Variants in DGKG observed in about 807,000 individuals in gnomAD.
The protein encoded by DGKG is diacylglycerol kinase gamma.
Under a neutral mutation model 105.3 loss-of-function variants are expected in DGKG, and 78 were observed. The ratio of observed to expected loss-of-function variants is 0.74; its 90% confidence interval spans 0.62 to 0.89. The LOEUF (loss-of-function observed/expected upper bound fraction) is 0.89. Among genes scored for constraint, DGKG ranks in the 40% least tolerant of loss-of-function variants. The probability of loss-of-function intolerance (pLI) is 0.00; values close to 1 mark genes in which losing one functional copy is unlikely to be tolerated. For missense variants in DGKG, 958 were observed against 1,020.1 expected (o/e 0.94, Z 0.83); for synonymous variants, 346 against 367.1 (o/e 0.94, Z 0.66).
At chr3:186,162,085 G>A (rs749997380) in intron 23 of DGKG, among the ~76,000 whole-genome samples, 3 of 152,252 alleles carry the variant, frequency 2.0e-5, no homozygotes, top group African/African-American at 4.8e-5. Flanking sequence ...TAGTAGAGAC[G>A]GGGTTTCTCC....
At chr3:186,347,107 A>G (rs1183760628) in intron 1 of DGKG, among the ~76,000 whole-genome samples, 1 of 151,936 alleles carries the variant, frequency 6.6e-6, no homozygotes, top group African/African-American at 2.4e-5. Context: ...TTAAAACAGC[A>G]TATATTTAGA....
intron 1 of DGKG, among the ~76,000 whole-genome samples, chr3:186,322,454 C>G (rs577278322): frequency 1.1e-4 from 16 of 152,242 alleles, no homozygotes; most frequent in Admixed American, 1.3e-4. Flanking sequence ...AGGGAGAGAA[C>G]TGAAAAACTA....
intron 1 of DGKG, among the ~76,000 whole-genome samples, chr3:186,350,685 G>A (rs1407547888): frequency 1.3e-5 from 2 of 152,178 alleles, no homozygotes; most frequent in Admixed American, 1.3e-4. Flanking sequence ...CATAGTGGCT[G>A]TACCACTTCA....
In DGKG at chr3:186,320,291, A is replaced by G. The variant is rs1247101955; in HGVS notation, c.67+102T>C. The G allele has an allele frequency of 4.9e-6, 7 of 1,415,656 alleles. No individual in the cohort carries two copies. The Admixed American group carries it at 9.5e-5, about 19-fold the overall frequency. 87.7% of individuals were successfully genotyped at this position (1,415,656 alleles called of 1,614,324 possible). On this transcript the variant is annotated intron_variant, in intron 2 of 24. Coordinates refer to ENST00000265022, the MANE Select transcript of DGKG (RefSeq NM_001346.3). Reference sequence around the variant, plus strand: ...AATATAAGCCGTCAGGCCTGACATCATTCTTTGTGGCTTTGCAATGATCAT... The same window carrying G: ...AATATAAGCCGTCAGGCCTGACATCGTTCTTTGTGGCTTTGCAATGATCAT...
chr3:186,229,433 C>T (rs551554738), intron 20 of DGKG, among the ~76,000 whole-genome samples: 13 of 151,980 alleles, frequency 8.6e-5, no homozygotes, highest in South Asian at 2.1e-4. Flanking sequence ...TTAGTAGAGA[C>T]GGGGTTTCAC....
Position 186,267,772 on chromosome 3 carries a change from G to T in DGKG, c.1122C>A (p.His374Gln). 1 of 1,613,870 alleles carries T rather than the reference G, an allele frequency of 6.2e-7. No homozygotes were observed. The highest frequency in any genetic ancestry group is 2.2e-5 in the East Asian group (1 of 44,876). ...ACAACGTTGATAATTCACATTTGCGGTGAAACTGGGGGGAGAAATGAAAAA... is the reference window on the plus strand; with the variant it reads ...ACAACGTTGATAATTCACATTTGCGTTGAAACTGGGGGGAGAAATGAAAAA... ...RHCVWCRMTF[H>Q]RKCELSTLCD... is the part of the protein sequence containing the mutation. Residue 374 changes from histidine (H) to glutamine (Q), a missense_variant, in exon 13 of 25, where the codon CAC becomes CAA. Transcript: ENST00000265022.
At chr3:186,189,605 A>G (rs1717808225) in intron 21 of DGKG, among the ~76,000 whole-genome samples, 1 of 152,304 alleles carries the variant, frequency 6.6e-6, no homozygotes. Context: ...ATAAAAACCC[A>G]CTATCTCTGA....
At chr3:186,224,020 G>A (rs529863236) in intron 20 of DGKG, among the ~76,000 whole-genome samples, 1 of 152,358 alleles carries the variant, frequency 6.6e-6, no homozygotes, top group South Asian at 2.1e-4. Context: ...CCTTGGGAGA[G>A]CTGCTTGGCA....
intron 20 of DGKG, among the ~76,000 whole-genome samples, chr3:186,235,813 G>A (rs138050117): frequency 2.6e-5 from 4 of 152,248 alleles, no homozygotes; most frequent in African/African-American, 9.6e-5. Context: ...AGAAGTATCC[G>A]TGAGGGAGGG....
At chr3:186,275,909 G>A (rs74807954) in intron 9 of DGKG, among the ~76,000 whole-genome samples, 88 of 152,176 alleles carry the variant, frequency 5.8e-4, no homozygotes, top group Admixed American at 1.3e-3. Context: ...ATCCTCTCCC[G>A]CATGGCTGGC....
At chr3:186,171,444 C>T (rs1360733573) in intron 22 of DGKG, among the ~76,000 whole-genome samples, 4 of 152,194 alleles carry the variant, frequency 2.6e-5, no homozygotes, top group Non-Finnish European at 5.9e-5. Context: ...AACAGATGCT[C>T]AAGTCCCTGA....
intron 1 of DGKG, among the ~76,000 whole-genome samples, chr3:186,353,693 T>TCTATATCTATAA (rs1560169632): frequency 5.3e-4 from 65 of 123,482 alleles, no homozygotes; most frequent in African/African-American, 1.9e-3. Flanking sequence ...TATATCTATA[T>TCTATATCTATAA]CTATATCTAT....
At chr3:186,196,496 G>A (rs1007453981) in intron 21 of DGKG, among the ~76,000 whole-genome samples, 2 of 152,194 alleles carry the variant, frequency 1.3e-5, no homozygotes, top group African/African-American at 4.8e-5. Flanking sequence ...GGGCTTGAAA[G>A]GTGAACCAGT....
rs570110717 is a variant in DGKG at position 186,355,456 on chromosome 3, A to T, written c.-249+6490T>A. On this transcript the variant is annotated intron_variant, in intron 1 of 24. Transcript: ENST00000265022. ...TACTCCCACCACTATGATCATCACC[A>T]CCATTATCATAACCCCCACAACCAC... is the stretch of plus-strand genomic sequence containing the variant. 1.7e-3 allele frequency among the ~76,000 whole-genome samples: 249 copies of T among 149,244 alleles called. 1 individual carries two copies. The highest frequency in any genetic ancestry group is 6.9e-3 in the Middle Eastern group (2 of 288).
intron 20 of DGKG, among the ~76,000 whole-genome samples, chr3:186,242,217 C>A (rs140780653): frequency 4.6e-5 from 7 of 152,218 alleles, no homozygotes; most frequent in Non-Finnish European, 1.0e-4. Flanking sequence ...CAAGGGCAGA[C>A]GCCCTCCCAC....
intron 21 of DGKG, among the ~76,000 whole-genome samples, chr3:186,194,244 G>A (rs901931213): frequency 3.9e-5 from 6 of 152,236 alleles, no homozygotes. Flanking sequence ...CAAATGAGAC[G>A]CGCTAGGGAA....
intron 22 of DGKG, among the ~76,000 whole-genome samples, chr3:186,187,832 G>A (rs529548625): frequency 3.3e-5 from 5 of 152,296 alleles, no homozygotes; most frequent in African/African-American, 9.6e-5. Flanking sequence ...TGGACCAAGC[G>A]TTTCCAGGAA....
rs1389134375 is a variant in DGKG, at chr3:186,203,330, T to C, written c.1917+8465A>G. On this transcript the variant is annotated intron_variant, in intron 21 of 24. Transcript: ENST00000265022. The surrounding 1 kb of genome is among the most constrained non-coding windows in gnomAD (Gnocchi z 4.9). ...ATGATAAAGAAACAAGGGCTAACAT[T>C]ACCCTAAGATTGAAACGAGGCCAAT... 6.6e-6 allele frequency among the ~76,000 whole-genome samples: 1 copy of C among 152,206 alleles called. No homozygotes were observed. The highest frequency in any genetic ancestry group is 1.5e-5 in the Non-Finnish European group (1 of 68,034).
intron 5 of DGKG, among the ~76,000 whole-genome samples, chr3:186,295,638 T>TA (rs34829528): frequency 0.018 from 1,526 of 84,446 alleles, 32 homozygotes; most frequent in Admixed American, 0.023. Flanking sequence ...TAATGCACAG[T>TA]AAAAAAAAAA....
Sources: gnomAD v4.1 joint callset for allele counts (sites outside exome capture counted in the v4.1 genomes callset) on GRCh38, gnomAD v4.1.1 for gene constraint, Gnocchi (gnomAD v3.1) non-coding constraint, MANE v1.5 for transcripts, NCBI Gene and HGNC (gene_info 2026-07-23, HGNC 2026-07-21) for gene names.